The following AKR1B15 variants were observed in gnomAD, a reference collection of about 807,000 sequenced individuals.
AKR1B15 encodes the protein estradiol 17-beta-dehydrogenase AKR1B15.
AKR1B15 carries 49 observed loss-of-function variants against 38.5 expected under a neutral mutation model. That is an observed-to-expected ratio of 1.27 (90% CI 1.01 to 1.62). AKR1B15 has a LOEUF of 1.62. Among genes scored for constraint, AKR1B15 ranks in the 40% most tolerant of loss-of-function variants. The pLI is 0.00. For missense variants in AKR1B15, 411 were observed against 381.6 expected, an observed-to-expected ratio of 1.08 and a Z score of -0.64; for synonymous variants, 137 against 135.5, an observed-to-expected ratio of 1.01 and a Z score of -0.08.
chr7:134,560,524 G>A (rs1291673815), intron 2 of AKR1B15, among the ~76,000 whole-genome samples: 5 of 152,156 alleles, frequency 3.3e-5, no homozygotes, highest in Middle Eastern at 3.2e-3. Flanking sequence ...ACAGCTAATA[G>A]ATATACCTTC....
intron 3 of AKR1B15, chr7:134,565,319 C>A: frequency 8.2e-7 from 1 of 1,218,722 alleles, no homozygotes; most frequent in Non-Finnish European, 1.1e-6. Flanking sequence ...AAGGAACAAA[C>A]TCCAGACACA....
Position 134,576,528 on chromosome 7 carries a change from G to A in AKR1B15, c.825+98G>A, listed in dbSNP as rs927443833. ...CCTCAACTGACTCCTTAAAGGGGAAGAACACAGGAGCTGAAGCCCTCTAAA... is the reference window on the plus strand; with the variant it reads ...CCTCAACTGACTCCTTAAAGGGGAAAAACACAGGAGCTGAAGCCCTCTAAA... On this transcript the variant is annotated intron_variant, in intron 9 of 11. Coordinates refer to ENST00000457545, the MANE Select transcript of AKR1B15 (RefSeq NM_001080538.3). 2.4e-5 allele frequency: 33 copies of A among 1,402,594 alleles called. No individual in the cohort carries two copies. The African/African-American group carries it at 4.5e-4, about 19-fold the overall frequency. The allele number at this position is 1,402,594 out of a possible 1,614,324, so 86.9% of individuals were successfully genotyped here.
Position 134,574,991 on chromosome 7 carries a change from G to A in AKR1B15, c.514-429G>A, listed in dbSNP as rs531035714. 5.3e-5 allele frequency among the ~76,000 whole-genome samples: 8 copies of A among 152,252 alleles called. No homozygotes were observed. The South Asian group carries it at 1.7e-3, about 32-fold the overall frequency. ...CTTCCTGACTAACACAGCTTGCCCA[G>A]GTTTGGGTGTACAATGTACACACAC... On this transcript the variant is annotated intron_variant, in intron 6 of 11. Transcript: ENST00000457545.
rs1252228073 is a variant in AKR1B15, at chr7:134,579,578, G to A, written c.*29G>A. The A allele has an allele frequency of 5.1e-6, 8 of 1,562,384 alleles. No individual in the cohort carries two copies. The highest frequency in any genetic ancestry group is 6.9e-6 in the Non-Finnish European group (8 of 1,152,994). The stretch of plus-strand genomic sequence containing the variant: ...TGAATCTCCTGGTGAGATTACACAG[G>A]GGATTCTCTTTCTTCGCTGAAGTGT... On this transcript the variant is annotated 3_prime_UTR_variant, in exon 12 of 12. Coordinates refer to ENST00000457545, the MANE Select transcript of AKR1B15 (RefSeq NM_001080538.3).
In AKR1B15 at chr7:134,577,063, T is replaced by G; in HGVS notation, c.909+17T>G. 6.2e-7 allele frequency: 1 copy of G among 1,605,396 alleles called. No individual in the cohort carries two copies. The highest frequency in any genetic ancestry group is 8.5e-7 in the Non-Finnish European group (1 of 1,172,292). On this transcript the variant is annotated intron_variant, in intron 10 of 11. Transcript: ENST00000457545. The stretch of plus-strand genomic sequence containing the variant: ...AACATTCAGGTAAGTTTCCGGCTGG[T>G]CGGGCCTGGTATTCCTCAGTGGAGT...
intron 11 of AKR1B15, among the ~76,000 whole-genome samples, chr7:134,579,169 C>T (rs754501352): frequency 6.6e-6 from 1 of 152,152 alleles, no homozygotes; most frequent in Non-Finnish European, 1.5e-5. Context: ...TCATAACAAT[C>T]CCCAAGCTGT....
At chr7:134,565,834 A>G (rs189851888) in intron 3 of AKR1B15, among the ~76,000 whole-genome samples, 1 of 152,126 alleles carries the variant, frequency 6.6e-6, no homozygotes, top group African/African-American at 2.4e-5. Context: ...CTCTGGCTCT[A>G]GGACACTTAA....
chr7:134,571,749 T>C, intron 6 of AKR1B15, 68 bp downstream of exon 6: 1 of 1,246,202 alleles, frequency 8.0e-7, no homozygotes, highest in East Asian at 2.3e-5. Context: ...TTCCCATTGA[T>C]ATGAAAGAGG....
chr7:134,574,839 T>A (rs947115165), intron 6 of AKR1B15, among the ~76,000 whole-genome samples: 1 of 152,140 alleles, frequency 6.6e-6, no homozygotes, highest in African/African-American at 2.4e-5. Flanking sequence ...CCCACACAAC[T>A]CCGTGGCCGG....
chr7:134,561,341 G>T lies in AKR1B15; in HGVS notation c.-22-3257G>T, dbSNP rs10224207. Among the ~76,000 whole-genome samples the T allele has an allele frequency of 4.4e-3, 670 of 152,230 alleles. 6 individuals are homozygous for T. Among genetic ancestry groups the T allele is most frequent in the African/African-American group, 0.015 (629 of 41,548 alleles). The stretch of plus-strand genomic sequence containing the variant: ...TGATTCTCAGGCCTCCCAAGCAGCT[G>T]GGACTACAGATACGAGCCACCTATG... On this transcript the variant is annotated intron_variant, in intron 2 of 11. Coordinates refer to ENST00000457545, the MANE Select transcript of AKR1B15 (RefSeq NM_001080538.3).
chr7:134,549,611 C>T (rs994180285), intron 1 of AKR1B15, among the ~76,000 whole-genome samples: 31 of 152,042 alleles, frequency 2.0e-4, no homozygotes, highest in African/African-American at 6.0e-4. Flanking sequence ...AGGCTTAGGG[C>T]GGCATCAGGC....
rs1794796292 is a variant in AKR1B15 at position 134,577,740 on chromosome 7, A to G, written c.946A>G (p.Thr316Ala). The G allele has an allele frequency of 6.8e-6, 11 of 1,613,904 alleles. No homozygotes were observed. The highest frequency in any genetic ancestry group is 1.6e-4 in the Middle Eastern group (1 of 6,080). ...TAAATTGAGTGATGAGGAGATGGCA[A>G]CCATACTCAGCTTCAACAGAAACTG... ...DFKLSDEEMA[T>A]ILSFNRNWRA... Residue 316 changes from threonine to alanine, a missense_variant, in exon 11 of 12, where the codon ACC (threonine) becomes GCC (alanine). Thr to Ala is a moderately conservative substitution (Grantham distance 58). Transcript: ENST00000457545.
At chr7:134,551,791 G>A (rs1428625184) in intron 1 of AKR1B15, among the ~76,000 whole-genome samples, 1 of 152,172 alleles carries the variant, frequency 6.6e-6, no homozygotes, top group Non-Finnish European at 1.5e-5. Flanking sequence ...AGAAACCAAT[G>A]TGCTTCTTGC....
chr7:134,578,824 C>T (rs1460290451), intron 11 of AKR1B15, among the ~76,000 whole-genome samples: 1 of 152,176 alleles, frequency 6.6e-6, no homozygotes, highest in Non-Finnish European at 1.5e-5. Context: ...TTCATCCGTG[C>T]TTAACAAAGT....
chr7:134,576,211 C>T (rs931457502), intron 8 of AKR1B15, 138 bp from the exon 9 acceptor site: 29 of 1,101,744 alleles, frequency 2.6e-5, no homozygotes, highest in Non-Finnish European at 3.6e-5. Flanking sequence ...GGGGAAAGGA[C>T]CCAAGCTTCC....
At chr7:134,572,149 C>G in intron 6 of AKR1B15, among the ~76,000 whole-genome samples, 1 of 152,086 alleles carries the variant, frequency 6.6e-6, no homozygotes, top group Non-Finnish European at 1.5e-5. Flanking sequence ...GTCATAAAGC[C>G]CATGTAATCA....
At chr7:134,567,827 G>C (rs1794573667) in intron 3 of AKR1B15, among the ~76,000 whole-genome samples, 1 of 152,140 alleles carries the variant, frequency 6.6e-6, no homozygotes, top group Non-Finnish European at 1.5e-5. Flanking sequence ...CTTTTAGCTA[G>C]GATAGGACAA....
chr7:134,579,501 CTG>C lies in AKR1B15; in HGVS notation c.993-4_993-3del. 1 of 1,583,706 alleles carries C rather than the reference CTG, an allele frequency of 6.3e-7. No homozygotes were observed. The highest frequency in any genetic ancestry group is 8.6e-7 in the Non-Finnish European group (1 of 1,166,150). On this transcript the variant is annotated splice_polypyrimidine_tract_variant and splice_region_variant and intron_variant, in intron 11 of 11. Transcript: ENST00000457545. ...AGTTTCTTTTTTTTTTTCTCTCTCT[CTG>C]TAGATTCTCTCATTTGGAGGACTTT...
rs561525003 is a variant in AKR1B15 at position 134,575,934 on chromosome 7, C to T, written c.743+7C>T. 502 of 1,612,232 alleles carry T rather than the reference C, an allele frequency of 3.1e-4. 2 individuals are homozygous for T. The East Asian group carries it at 8.3e-3, about 27-fold the overall frequency. Reference sequence around the variant, plus strand: ...GCTCTCCGGATAGACCTTGGTGAGGCTTCCAAGTGGTGGGTCTTTCTCTTG... The same window carrying T: ...GCTCTCCGGATAGACCTTGGTGAGGTTTCCAAGTGGTGGGTCTTTCTCTTG... On this transcript the variant is annotated splice_region_variant and intron_variant, in intron 8 of 11. Coordinates refer to ENST00000457545, the MANE Select transcript of AKR1B15 (RefSeq NM_001080538.3).
Sources: allele counts gnomAD v4.1 joint callset (sites outside exome capture counted in the v4.1 genomes callset), GRCh38; gene constraint gnomAD v4.1.1; transcripts MANE v1.5; gene names NCBI Gene and HGNC (gene_info 2026-07-23, HGNC 2026-07-21).